Variants in ZNF892 observed in about 807,000 individuals in gnomAD.
ZNF892 encodes the protein zinc finger protein 892, also known as zinc finger protein 570-like.
chr2:95,213,350 T>C, the ZNF892 span, among the ~76,000 whole-genome samples: 1 of 152,348 alleles, frequency 6.6e-6, no homozygotes, highest in East Asian at 1.9e-4. Context: ...ATATATCTAG[T>C]TGAGAACACT....
At chr2:95,211,810 A>G in the ZNF892 span, 1 of 397,520 alleles carries the variant, frequency 2.5e-6, no homozygotes, top group East Asian at 3.6e-5. Context: ...CCTTATATTC[A>G]ATGATTCTTA....
the ZNF892 span, chr2:95,214,887 G>A: frequency 2.0e-6 from 1 of 503,666 alleles, no homozygotes; most frequent in Non-Finnish European, 3.6e-6. Context: ...GTGTGGGAAA[G>A]CCTTCAGTCA....
the ZNF892 span, among the ~76,000 whole-genome samples, chr2:95,232,812 C>CACACACACACACAT: frequency 6.9e-6 from 1 of 144,836 alleles, no homozygotes. Context: ...CCTATATATA[C>CACACACACACACAT]ATGTATGTAT....
At chr2:95,236,961 T>A in the ZNF892 span, among the ~76,000 whole-genome samples, 1 of 152,312 alleles carries the variant, frequency 6.6e-6, no homozygotes, top group Non-Finnish European at 1.5e-5. Flanking sequence ...GATTCTTTAT[T>A]ACACTTTGCA....
At chr2:95,242,984 C>T in the ZNF892 span, among the ~76,000 whole-genome samples, 11 of 152,172 alleles carry the variant, frequency 7.2e-5, no homozygotes, top group Non-Finnish European at 1.3e-4. Flanking sequence ...CGAGTGTCTG[C>T]GATTGCAGGC....
At chr2:95,229,400 G>C in the ZNF892 span, among the ~76,000 whole-genome samples, 1 of 152,070 alleles carries the variant, frequency 6.6e-6, no homozygotes, top group Non-Finnish European at 1.5e-5. Flanking sequence ...CTGCTGGAAG[G>C]CTCCTCCATG....
At chr2:95,235,756 G>T in the ZNF892 span, among the ~76,000 whole-genome samples, 1 of 152,158 alleles carries the variant, frequency 6.6e-6, no homozygotes, top group Non-Finnish European at 1.5e-5. Flanking sequence ...ATATCAAGTG[G>T]TCAAGTTTAG....
the ZNF892 span, among the ~76,000 whole-genome samples, chr2:95,232,946 C>A: frequency 7.9e-5 from 12 of 152,208 alleles, no homozygotes; most frequent in African/African-American, 2.9e-4. Context: ...CTGTTGAATT[C>A]TTGGCAAAAG....
At chr2:95,215,628 A>G in the ZNF892 span, 10 of 399,060 alleles carry the variant, frequency 2.5e-5, no homozygotes, top group African/African-American at 1.8e-4. Context: ...TGGTACATTC[A>G]GAGCATAGTT....
the ZNF892 span, among the ~76,000 whole-genome samples, chr2:95,241,138 C>A: frequency 6.6e-6 from 1 of 152,236 alleles, no homozygotes; most frequent in Non-Finnish European, 1.5e-5. Context: ...CCCAAAGCAG[C>A]ACACCTGCTC....
At chr2:95,206,357 G>T in the ZNF892 span, among the ~76,000 whole-genome samples, 1 of 152,136 alleles carries the variant, frequency 6.6e-6, no homozygotes, top group African/African-American at 2.4e-5. Context: ...ACTTTGACAC[G>T]AATTAAGAGT....
the ZNF892 span, among the ~76,000 whole-genome samples, chr2:95,263,288 C>G: frequency 6.6e-6 from 1 of 152,162 alleles, no homozygotes; most frequent in African/African-American, 2.4e-5. Context: ...CTAGATTCTA[C>G]CACAGAGCCT....
chr2:95,222,366 T>C, the ZNF892 span, among the ~76,000 whole-genome samples: 1 of 152,334 alleles, frequency 6.6e-6, no homozygotes, highest in South Asian at 2.1e-4. Flanking sequence ...GTGAAATGGT[T>C]AGGTCATATG....
chr2:95,226,864 C>T, the ZNF892 span, among the ~76,000 whole-genome samples: 2 of 152,124 alleles, frequency 1.3e-5, no homozygotes, highest in African/African-American at 2.4e-5. Context: ...TGTCCTGGAT[C>T]CAAATCACTG....
At chr2:95,245,452 G>GC in the ZNF892 span, among the ~76,000 whole-genome samples, 49 of 90,410 alleles carry the variant, frequency 5.4e-4, 7 homozygotes, top group South Asian at 0.011. Context: ...AGAGACGGCG[G>GC]GGGGGGGGGG....
chr2:95,244,173 T>C, the ZNF892 span, among the ~76,000 whole-genome samples: 1 of 150,180 alleles, frequency 6.7e-6, no homozygotes, highest in Non-Finnish European at 1.5e-5. Flanking sequence ...CACCACTCCC[T>C]AATCTCAAGT....
the ZNF892 span, among the ~76,000 whole-genome samples, chr2:95,216,095 G>A: frequency 2.6e-5 from 4 of 152,066 alleles, no homozygotes; most frequent in African/African-American, 9.7e-5. Context: ...GAAGTAGAGG[G>A]AAAGGATAGA....
At chr2:95,257,145 C>T in the ZNF892 span, among the ~76,000 whole-genome samples, 62 of 152,170 alleles carry the variant, frequency 4.1e-4, no homozygotes, top group Non-Finnish European at 6.6e-4. Context: ...GGAGGAGAGG[C>T]GCTCTGATTT....
At chr2:95,214,551 G>A in the ZNF892 span, 1 of 398,614 alleles carries the variant, frequency 2.5e-6, no homozygotes, top group East Asian at 3.6e-5. Context: ...CCAATCTGAT[G>A]AATTTAGAAG....
Sources: allele counts gnomAD v4.1 joint callset (sites outside exome capture counted in the v4.1 genomes callset), GRCh38; gene constraint gnomAD v4.1.1; transcripts MANE v1.5; gene names NCBI Gene and HGNC (gene_info 2026-07-23, HGNC 2026-07-21).